TRAT1: variants seen among roughly 807,000 people sequenced by gnomAD.
TRAT1 encodes the protein T cell receptor associated transmembrane adaptor 1, also known as T-cell receptor-associated transmembrane adapter 1.
Under a neutral mutation model 20.0 loss-of-function variants are expected in TRAT1, and 20 were observed. That is an observed-to-expected ratio of 1.00 (90% CI 0.70 to 1.45). TRAT1 has a LOEUF of 1.45. Ranked by LOEUF, TRAT1 falls within the 40% of genes most tolerant of loss-of-function variation. The pLI is 0.00. For synonymous variants in TRAT1, 77 were observed against 74.2 expected (o/e 1.04, Z -0.20); for missense variants, 237 against 224.1 (o/e 1.06, Z -0.37).
At chr3:108,840,100 G>T (rs1343132932) in intron 3 of TRAT1, among the ~76,000 whole-genome samples, 4 of 151,386 alleles carry the variant, frequency 2.6e-5, no homozygotes, top group African/African-American at 9.8e-5. Flanking sequence ...TCTCTTTAAG[G>T]TCTTTTTTTT....
At chr3:108,835,784 T>C (rs141017076) in intron 2 of TRAT1, among the ~76,000 whole-genome samples, 1,830 of 152,302 alleles carry the variant, frequency 0.012, 33 homozygotes, top group African/African-American at 0.041. Flanking sequence ...ATCCTTTATA[T>C]AGTTGCTTCT....
At position 108,838,927 on chromosome 3, in the gene TRAT1, CT is replaced by C. The variant is rs753410583; in HGVS notation, c.119-4del. On this transcript the variant is annotated splice_polypyrimidine_tract_variant and splice_region_variant and intron_variant, in intron 2 of 5. Transcript: ENST00000295756. ...CTTTTAACTTGTCTATTTTGAATAT[CT>C]TTCAGATAAAATGTACAGCTACTCC... is the stretch of plus-strand genomic sequence containing the variant. The C allele has an allele frequency of 2.5e-6, 4 of 1,600,554 alleles. No homozygotes were observed. Among genetic ancestry groups the C allele is most frequent in the African/African-American group, 1.3e-5 (1 of 74,770 alleles).
At chr3:108,823,090 AATGAGT>A (rs1945707470) in intron 1 of TRAT1, among the ~76,000 whole-genome samples, 156 bp downstream of exon 1, 2 of 151,742 alleles carry the variant, frequency 1.3e-5, no homozygotes, top group East Asian at 1.9e-4. Flanking sequence ...GAAACATGTT[AATGAGT>A]ATAAGTTGAC....
chr3:108,841,014 T>C (rs1945892021), intron 3 of TRAT1, among the ~76,000 whole-genome samples: 1 of 152,262 alleles, frequency 6.6e-6, no homozygotes, highest in Non-Finnish European at 1.5e-5. Flanking sequence ...GGATATCCTG[T>C]TTCTGTGAGA....
intron 2 of TRAT1, among the ~76,000 whole-genome samples, chr3:108,831,202 G>C (rs1945789075): frequency 6.6e-6 from 1 of 152,182 alleles, no homozygotes; most frequent in Non-Finnish European, 1.5e-5. Flanking sequence ...ATTCTCACAT[G>C]CAACACAAAA....
intron 1 of TRAT1, among the ~76,000 whole-genome samples, chr3:108,826,199 T>C (rs1476495204): frequency 6.6e-6 from 1 of 152,138 alleles, no homozygotes; most frequent in African/African-American, 2.4e-5. Context: ...AGATATGAAA[T>C]CCAGTTTTAC....
Position 108,853,744 on chromosome 3 carries a change from T to C in TRAT1, c.428T>C (p.Ile143Thr), listed in dbSNP as rs1329977099. The change falls in exon 6 of 6, where the codon ATA (isoleucine) becomes ACA (threonine). Residue 143 changes from isoleucine (I) to threonine (T), a missense_variant. By Grantham distance (89) the Ile-to-Thr change is moderately conservative. Coordinates refer to ENST00000295756, the MANE Select transcript of TRAT1 (RefSeq NM_016388.4). The stretch of plus-strand genomic sequence containing the variant: ...GATGGAGATGAGCAACTACATGCAA[T>C]AGATGCCAGCGTTTCTAAGACCACC... ...DKDGDEQLHA[I>T]DASVSKTTLV... The C allele has an allele frequency of 2.5e-6, 4 of 1,613,980 alleles. No individual in the cohort carries two copies. The East Asian group carries it at 6.7e-5, about 27-fold the overall frequency.
chr3:108,849,138 G>A (rs1266462875), intron 4 of TRAT1, 28 bp from the exon 5 acceptor site: 1 of 1,585,242 alleles, frequency 6.3e-7, no homozygotes, highest in Non-Finnish European at 8.6e-7. Context: ...ATTTTCTATT[G>A]TGAATCACAA....
chr3:108,830,608 C>T (rs1033060906), intron 1 of TRAT1, 62 bp from the exon 2 acceptor site: 13 of 1,117,584 alleles, frequency 1.2e-5, no homozygotes, highest in Admixed American at 3.4e-5. Flanking sequence ...GTGGCAATAG[C>T]CAGACCAAAA....
chr3:108,828,260 C>A (rs1268011290), intron 1 of TRAT1, among the ~76,000 whole-genome samples: 1 of 151,948 alleles, frequency 6.6e-6, no homozygotes, highest in South Asian at 2.1e-4. Context: ...GAAAGGAGAT[C>A]GATTTTTATT....
At chr3:108,846,493 T>G (rs1040361838) in intron 3 of TRAT1, among the ~76,000 whole-genome samples, 1 of 152,224 alleles carries the variant, frequency 6.6e-6, no homozygotes, top group Non-Finnish European at 1.5e-5. Flanking sequence ...ACATAATAGG[T>G]GATCAATCAT....
chr3:108,828,929 C>T (rs924921532), intron 1 of TRAT1, among the ~76,000 whole-genome samples: 3 of 152,130 alleles, frequency 2.0e-5, no homozygotes, highest in Non-Finnish European at 2.9e-5. Context: ...ATTTTACTTC[C>T]ATTCATGGGT....
At chr3:108,850,306 CTTTT>C (rs35451422) in intron 5 of TRAT1, among the ~76,000 whole-genome samples, 1 of 144,740 alleles carries the variant, frequency 6.9e-6, no homozygotes, top group Non-Finnish European at 1.5e-5. Context: ...AACTTTTAAA[CTTTT>C]TTTTTTTTTT....
intron 3 of TRAT1, among the ~76,000 whole-genome samples, chr3:108,845,677 C>G (rs1945936047): frequency 6.6e-6 from 1 of 151,890 alleles, no homozygotes; most frequent in South Asian, 2.1e-4. Flanking sequence ...GAGAGTAATA[C>G]AGGTGTTATG....
rs779878401 is a variant in TRAT1 at position 108,853,740 on chromosome 3, G to A, written c.424G>A (p.Ala142Thr). 6.2e-7 allele frequency: 1 copy of A among 1,614,122 alleles called. No individual in the cohort carries two copies. Among genetic ancestry groups the A allele is most frequent in the Non-Finnish European group, 8.5e-7 (1 of 1,180,004 alleles). Residue 142 changes from alanine (A) to threonine (T), a missense_variant, in exon 6 of 6, where the codon GCA becomes ACA. Ala to Thr is a moderately conservative substitution (Grantham distance 58). Coordinates refer to ENST00000295756, the MANE Select transcript of TRAT1 (RefSeq NM_016388.4). ...SDKDGDEQLHAIDASVSKTTL... is the reference protein window; with the variant it reads ...SDKDGDEQLHTIDASVSKTTL... The stretch of plus-strand genomic sequence containing the variant: ...CAAGGATGGAGATGAGCAACTACAT[G>A]CAATAGATGCCAGCGTTTCTAAGAC...
At chr3:108,839,252 T>G in intron 3 of TRAT1, 1 of 399,782 alleles carries the variant, frequency 2.5e-6, no homozygotes, top group Non-Finnish European at 4.4e-6. Context: ...GTAGATAGCC[T>G]AGATTATGAT....
chr3:108,852,372 A>C (rs531321708), intron 5 of TRAT1, among the ~76,000 whole-genome samples: 18 of 145,574 alleles, frequency 1.2e-4, no homozygotes, highest in African/African-American at 3.9e-4. Context: ...CAAGAGCGAA[A>C]GTCCATCTCA....
intron 5 of TRAT1, among the ~76,000 whole-genome samples, chr3:108,849,834 T>C (rs1427725191): frequency 6.6e-6 from 1 of 152,150 alleles, no homozygotes; most frequent in Non-Finnish European, 1.5e-5. Context: ...AAATGGATAG[T>C]TTCTCTTTTT....
intron 1 of TRAT1, among the ~76,000 whole-genome samples, chr3:108,827,364 G>A (rs994584530): frequency 6.8e-6 from 1 of 146,158 alleles, no homozygotes; most frequent in Non-Finnish European, 1.5e-5. Flanking sequence ...TGGGTAAGGG[G>A]AGGTATAAAG....
Sources: gnomAD v4.1 joint callset for allele counts (sites outside exome capture counted in the v4.1 genomes callset) on GRCh38, gnomAD v4.1.1 for gene constraint, MANE v1.5 for transcripts, NCBI Gene and HGNC (gene_info 2026-07-23, HGNC 2026-07-21) for gene names.